The following MME variants were observed in gnomAD, a reference collection of about 807,000 sequenced individuals.
MME encodes membrane metalloendopeptidase, also known as neprilysin.
A neutral mutation model predicts 113.2 loss-of-function variants in MME; 98 were observed. That is an observed-to-expected ratio of 0.87 (90% CI 0.74 to 1.02). The LOEUF (loss-of-function observed/expected upper bound fraction) is 1.02. Among genes scored for constraint, MME ranks in the 50% least tolerant of loss-of-function variants. The pLI, the probability that MME is intolerant of heterozygous loss-of-function variation, is 0.00. For synonymous variants in MME, 292 were observed against 300.6 expected (o/e 0.97, Z 0.30); for missense variants, 836 against 896.0 (o/e 0.93, Z 0.86).
At chr3:155,118,145 A>C (rs1718782136) in intron 7 of MME, among the ~76,000 whole-genome samples, 1 of 152,198 alleles carries the variant, frequency 6.6e-6, no homozygotes, top group Non-Finnish European at 1.5e-5. Context: ...AGGAGAACCA[A>C]GGAGAAGTCG....
At chr3:155,133,062 A>AAAAAAAATATATATATATATAT (rs1553762419) in intron 8 of MME, among the ~76,000 whole-genome samples, 1 of 75,078 alleles carries the variant, frequency 1.3e-5, no homozygotes, top group African/African-American at 6.6e-5. Context: ...AAAAAAAAAA[A>AAAAAAAATATATATATATATAT]ATATATATAT....
chr3:155,057,754 A>G (rs1713985699), intron 1 of MME, among the ~76,000 whole-genome samples: 1 of 150,614 alleles, frequency 6.6e-6, no homozygotes. Context: ...AAGTAAAGGG[A>G]ATGGAGATCA....
chr3:155,044,717 A>G (rs1281261002), intron 1 of MME, among the ~76,000 whole-genome samples: 1 of 152,148 alleles, frequency 6.6e-6, no homozygotes. Flanking sequence ...TTTTTGTCAA[A>G]TATATTCAAC....
exon 1 of MME, chr3:155,024,273 G>C (rs1246598612): frequency 6.6e-6 from 1 of 152,210 alleles, no homozygotes; most frequent in East Asian, 1.9e-4. Context: ...GCTGGCCCAA[G>C]GGTGTACAGC....
At chr3:155,103,731 T>C (rs1717455910) in intron 3 of MME, among the ~76,000 whole-genome samples, 1 of 152,232 alleles carries the variant, frequency 6.6e-6, no homozygotes. Context: ...TTATTTCTTC[T>C]CTCTTTTAAC....
At chr3:155,098,082 TAAA>T (rs942834870) in intron 3 of MME, among the ~76,000 whole-genome samples, 3 of 151,784 alleles carry the variant, frequency 2.0e-5, no homozygotes, top group Non-Finnish European at 4.4e-5. Flanking sequence ...CACACACATA[TAAA>T]AAAACATTAT....
intron 17 of MME, among the ~76,000 whole-genome samples, chr3:155,162,554 A>T (rs928472063): frequency 6.6e-6 from 1 of 152,102 alleles, no homozygotes; most frequent in Non-Finnish European, 1.5e-5. Flanking sequence ...AAATAAGAAA[A>T]CTTGTTAACC....
At chr3:155,148,879 T>G (rs1721720353) in intron 16 of MME, among the ~76,000 whole-genome samples, 1 of 152,212 alleles carries the variant, frequency 6.6e-6, no homozygotes, top group African/African-American at 2.4e-5. Flanking sequence ...CAAATTTACA[T>G]GTCTTTAGTT....
At chr3:155,098,572 G>A (rs1185900245) in intron 3 of MME, among the ~76,000 whole-genome samples, 1 of 151,310 alleles carries the variant, frequency 6.6e-6, no homozygotes, top group Non-Finnish European at 1.5e-5. Context: ...AAAAAAGAGT[G>A]GCCATGGGGT....
intron 3 of MME, among the ~76,000 whole-genome samples, chr3:155,111,658 G>C (rs912584525): frequency 3.3e-5 from 5 of 152,030 alleles, no homozygotes; most frequent in Non-Finnish European, 5.9e-5. Context: ...TTTCCAAATA[G>C]GCAGTAGGGC....
At chr3:155,171,436 T>G (rs528337609) in intron 20 of MME, among the ~76,000 whole-genome samples, 8 of 152,328 alleles carry the variant, frequency 5.3e-5, no homozygotes, top group African/African-American at 1.9e-4. Flanking sequence ...GAACGTTTAT[T>G]ATGAATTCGT....
At chr3:155,167,860 G>A (rs1358290435) in intron 18 of MME, among the ~76,000 whole-genome samples, 1 of 152,178 alleles carries the variant, frequency 6.6e-6, no homozygotes, top group East Asian at 1.9e-4. Context: ...GGAACTGGTA[G>A]AACCAGAAGG....
At chr3:155,167,117 C>A in intron 18 of MME, 96 bp downstream of exon 18, 1 of 1,431,268 alleles carries the variant, frequency 7.0e-7, no homozygotes, top group Non-Finnish European at 9.8e-7. Context: ...TACATTTATT[C>A]AAACATGTAT....
chr3:155,131,700 C>G lies in MME; in HGVS notation c.721-6402C>G, dbSNP rs565171434. ...CCCTATGCTGGTCCAAGTTTGGGTC[C>G]TCTTAGGTCCCACGTTCCTCCTGCT... is the stretch of plus-strand genomic sequence containing the variant. On this transcript the variant is annotated intron_variant, in intron 8 of 22. Transcript: ENST00000360490. Among the ~76,000 whole-genome samples, 290 of 152,238 alleles carry G rather than the reference C, an allele frequency of 1.9e-3. 2 individuals carry two copies. The highest frequency in any genetic ancestry group is 6.8e-3 in the African/African-American group (282 of 41,534).
chr3:155,073,511 T>C (rs1576683923), intron 1 of MME, among the ~76,000 whole-genome samples: 1 of 152,118 alleles, frequency 6.6e-6, no homozygotes, highest in East Asian at 1.9e-4. Context: ...TAAACAATAG[T>C]AGTGGGTAAT....
At chr3:155,125,276 TCACGCACGGTG>T (rs1719534348) in intron 8 of MME, among the ~76,000 whole-genome samples, 1 of 124,734 alleles carries the variant, frequency 8.0e-6, no homozygotes, top group African/African-American at 2.6e-5. Flanking sequence ...CTGCTTCGGC[TCACGCACGGTG>T]CGTGCACCCA....
intron 1 of MME, among the ~76,000 whole-genome samples, chr3:155,035,845 T>C (rs552010306): frequency 7.2e-5 from 11 of 152,264 alleles, no homozygotes; most frequent in Non-Finnish European, 1.5e-4. Flanking sequence ...AAACAGAAAG[T>C]TGCCAGTGGA....
intron 1 of MME, among the ~76,000 whole-genome samples, chr3:155,060,987 C>T (rs1330231553): frequency 6.6e-6 from 1 of 152,082 alleles, no homozygotes; most frequent in African/African-American, 2.4e-5. Context: ...TAACAATATC[C>T]CTTTGGAGTT....
intron 8 of MME, among the ~76,000 whole-genome samples, chr3:155,137,187 A>G (rs1364068437): frequency 2.0e-5 from 3 of 152,188 alleles, no homozygotes; most frequent in Non-Finnish European, 2.9e-5. Context: ...ATCTAAATCT[A>G]TGGTATCGTA....
Sources: allele counts gnomAD v4.1 joint callset (sites outside exome capture counted in the v4.1 genomes callset), GRCh38; gene constraint gnomAD v4.1.1; transcripts MANE v1.5; gene names NCBI Gene and HGNC (gene_info 2026-07-23, HGNC 2026-07-21).